Variants in PPP3CA observed in about 807,000 individuals in gnomAD.
PPP3CA encodes the protein protein phosphatase 3 catalytic subunit alpha.
Under a neutral mutation model 66.5 loss-of-function variants are expected in PPP3CA, and 14 were observed. The ratio of observed to expected loss-of-function variants is 0.21; its 90% CI spans 0.14 to 0.33. PPP3CA has a LOEUF of 0.33. PPP3CA is among the 10% of genes least tolerant of loss of function. PPP3CA has a pLI of 1.00. For missense variants in PPP3CA, 317 were observed against 639.5 expected (o/e 0.50, Z 5.44); for synonymous variants, 232 against 226.2 (o/e 1.03, Z -0.23).
intron 8 of PPP3CA, among the ~76,000 whole-genome samples, chr4:101,066,597 C>T (rs1404101897): frequency 2.0e-5 from 3 of 151,890 alleles, no homozygotes; most frequent in African/African-American, 7.3e-5. Flanking sequence ...CACATTTATG[C>T]AAAAATACTT....
At position 101,250,034 on chromosome 4, in the gene PPP3CA, T is replaced by G. The variant is rs577310714; in HGVS notation, c.59-53918A>C. The stretch of plus-strand genomic sequence containing the variant: ...TACTTCTGAAACGCTGTATAAGGTA[T>G]GATGGTAATAGTTTATTCAATGTTA... On this transcript the variant is annotated intron_variant, in intron 1 of 13. Coordinates refer to ENST00000394854, the MANE Select transcript of PPP3CA (RefSeq NM_000944.5). 4.6e-5 allele frequency among the ~76,000 whole-genome samples: 7 copies of G among 152,328 alleles called. No individual in the cohort carries two copies. In the South Asian group the frequency reaches 1.5e-3, roughly 32 times the overall value.
intron 1 of PPP3CA, among the ~76,000 whole-genome samples, chr4:101,332,811 T>C (rs777162037): frequency 6.6e-6 from 1 of 152,200 alleles, no homozygotes; most frequent in African/African-American, 2.4e-5. Flanking sequence ...GGACACACAG[T>C]TGGCATATGG....
chr4:101,088,650 A>G (rs1280519110), intron 6 of PPP3CA, among the ~76,000 whole-genome samples: 1 of 151,750 alleles, frequency 6.6e-6, no homozygotes, highest in Non-Finnish European at 1.5e-5. Flanking sequence ...GTAAATGCTC[A>G]GCTAATGTGT....
At chr4:101,319,795 T>G (rs1233907514) in intron 1 of PPP3CA, among the ~76,000 whole-genome samples, 1 of 152,148 alleles carries the variant, frequency 6.6e-6, no homozygotes, top group Non-Finnish European at 1.5e-5. Context: ...AAACCTATTT[T>G]AAATACAAAA....
chr4:101,104,501 T>C (rs1299204020), intron 3 of PPP3CA, among the ~76,000 whole-genome samples: 1 of 152,022 alleles, frequency 6.6e-6, no homozygotes, highest in Admixed American at 6.6e-5. Flanking sequence ...GAATATACTA[T>C]GGCAAAGGCC....
At chr4:101,287,501 G>A (rs1336465973) in intron 1 of PPP3CA, among the ~76,000 whole-genome samples, 11 of 152,064 alleles carry the variant, frequency 7.2e-5, no homozygotes, top group Non-Finnish European at 1.3e-4. Context: ...CAAAACAGTG[G>A]CAACATGTTA....
chr4:101,049,639 G>A (rs574354356), intron 10 of PPP3CA, among the ~76,000 whole-genome samples: 1 of 152,024 alleles, frequency 6.6e-6, no homozygotes, highest in South Asian at 2.1e-4. Flanking sequence ...GATAAGTGCT[G>A]GAAGAATGCA....
intron 2 of PPP3CA, among the ~76,000 whole-genome samples, chr4:101,126,631 T>C (rs1722253975): frequency 6.6e-6 from 1 of 152,196 alleles, no homozygotes; most frequent in Non-Finnish European, 1.5e-5. Context: ...GCACCTTTTA[T>C]TCATTGTATC....
intron 6 of PPP3CA, among the ~76,000 whole-genome samples, chr4:101,088,104 C>T (rs1434822770): frequency 1.3e-5 from 2 of 152,184 alleles, no homozygotes; most frequent in African/African-American, 2.4e-5. Context: ...TCCCAACACA[C>T]TCACTCAGAT....
intron 1 of PPP3CA, among the ~76,000 whole-genome samples, chr4:101,344,875 G>A (rs1729929714): frequency 6.6e-6 from 1 of 152,092 alleles, no homozygotes. Flanking sequence ...TGAATTATAA[G>A]CTTTACATTG....
rs1240443717 is a variant in PPP3CA, at chr4:101,274,435, A to C, written c.58+72304T>G. ...CAGCTGTTAATTGGGCACAACATCC[A>C]AAATTAACAAATCTTCAATTATTTT... On this transcript the variant is annotated intron_variant, in intron 1 of 13. Coordinates refer to ENST00000394854, the MANE Select transcript of PPP3CA (RefSeq NM_000944.5). Among the ~76,000 whole-genome samples the C allele has an allele frequency of 2.0e-5, 3 of 152,238 alleles. No homozygotes were observed. In the East Asian group the frequency reaches 5.8e-4, roughly 29 times the overall value.
intron 1 of PPP3CA, among the ~76,000 whole-genome samples, chr4:101,293,609 C>T (rs188231300): frequency 1.1e-3 from 175 of 152,298 alleles, no homozygotes; most frequent in African/African-American, 4.0e-3. Context: ...CAGTCCCTCA[C>T]ATTTTTCCAC....
chr4:101,249,825 A>C (rs890107782), intron 1 of PPP3CA, among the ~76,000 whole-genome samples: 6 of 152,192 alleles, frequency 3.9e-5, no homozygotes, highest in Admixed American at 3.3e-4. Context: ...TATTCAAAAC[A>C]AATTGTTAGT....
At chr4:101,027,126 T>G (rs925870069) in intron 13 of PPP3CA, among the ~76,000 whole-genome samples, 1 of 152,154 alleles carries the variant, frequency 6.6e-6, no homozygotes, top group African/African-American at 2.4e-5. Context: ...ACCAATGACA[T>G]CAGTTTGCTT....
chr4:101,091,342 A>T (rs1345072354), intron 6 of PPP3CA, among the ~76,000 whole-genome samples: 1 of 152,174 alleles, frequency 6.6e-6, no homozygotes, highest in Non-Finnish European at 1.5e-5. Flanking sequence ...TTACTCCCAA[A>T]TTAATTACTG....
At chr4:101,326,023 C>T (rs776765609) in intron 1 of PPP3CA, among the ~76,000 whole-genome samples, 6 of 152,050 alleles carry the variant, frequency 3.9e-5, no homozygotes, top group Non-Finnish European at 8.8e-5. Context: ...CCTGTAGTCC[C>T]AGCTACTCAG....
chr4:101,088,850 T>C (rs1729788742), intron 6 of PPP3CA, among the ~76,000 whole-genome samples: 5 of 152,146 alleles, frequency 3.3e-5, no homozygotes, highest in Admixed American at 3.3e-4. Context: ...ATGGTTTAGA[T>C]GCTTGTGATA....
chr4:101,026,582 T>C (rs1166400601), intron 13 of PPP3CA, among the ~76,000 whole-genome samples: 2 of 152,138 alleles, frequency 1.3e-5, no homozygotes, highest in African/African-American at 4.8e-5. Context: ...GAAAAGGAAT[T>C]AACCGGGGCA....
At chr4:101,331,226 C>G (rs1199421510) in intron 1 of PPP3CA, among the ~76,000 whole-genome samples, 1 of 152,140 alleles carries the variant, frequency 6.6e-6, no homozygotes, top group Non-Finnish European at 1.5e-5. Flanking sequence ...GTCCAAATAC[C>G]TGATCTACCA....
Sources: gnomAD v4.1 joint callset for allele counts (sites outside exome capture counted in the v4.1 genomes callset) on GRCh38, gnomAD v4.1.1 for gene constraint, MANE v1.5 for transcripts, NCBI Gene and HGNC (gene_info 2026-07-23, HGNC 2026-07-21) for gene names.